SNX25: variants seen among roughly 807,000 people sequenced by gnomAD.
The protein encoded by SNX25 is sorting nexin-25.
A neutral mutation model predicts 113.7 loss-of-function variants in SNX25; 62 were observed. The observed-to-expected ratio is 0.55, with a 90% CI of 0.44 to 0.67. The LOEUF is 0.67. Ranked by LOEUF, SNX25 falls within the 30% of genes least tolerant of loss-of-function variation. The probability of loss-of-function intolerance (pLI) is 0.00; values close to 1 mark genes in which losing one functional copy is unlikely to be tolerated. For synonymous variants in SNX25, 421 were observed against 436.2 expected, an observed-to-expected ratio of 0.97 and a Z score of 0.43; for missense variants, 1,014 against 1,161.0, an observed-to-expected ratio of 0.87 and a Z score of 1.84.
Position 185,285,685 on chromosome 4 carries a change from G to A in SNX25, c.1092-2327G>A, listed in dbSNP as rs1002921714. Among the ~76,000 whole-genome samples the A allele has an allele frequency of 2.6e-5, 4 of 152,172 alleles. No individual in the cohort carries two copies. In the East Asian group the frequency reaches 7.7e-4, roughly 29 times the overall value. ...CCATGTCACCACATGTCCTGAGATT[G>A]GTAGTTAGGGGCTGTTTTGATGGTT... On this transcript the variant is annotated intron_variant, in intron 5 of 18. Coordinates refer to ENST00000652585, the MANE Select transcript of SNX25 (RefSeq NM_001378034.2).
At chr4:185,230,235 G>A (rs565336571) in intron 1 of SNX25, among the ~76,000 whole-genome samples, 8 of 152,274 alleles carry the variant, frequency 5.3e-5, no homozygotes, top group African/African-American at 1.7e-4. Flanking sequence ...ATTCTGTAGA[G>A]AAAGAGTTCA....
chr4:185,370,699 G>A, downstream of SNX25: 5 of 1,614,028 alleles, frequency 3.1e-6, no homozygotes, highest in South Asian at 5.5e-5. Context: ...CCAAGCTGAA[G>A]ACACCTTGCG....
chr4:185,359,991 A>C (rs1465723350), intron 16 of SNX25, among the ~76,000 whole-genome samples: 1 of 152,220 alleles, frequency 6.6e-6, no homozygotes, highest in African/African-American at 2.4e-5. Context: ...CTCATGACAG[A>C]ATTCAGCAGC....
At chr4:185,303,023 C>G (rs146143304) in intron 6 of SNX25, among the ~76,000 whole-genome samples, 66 of 152,342 alleles carry the variant, frequency 4.3e-4, no homozygotes, top group African/African-American at 1.5e-3. Context: ...CTCGTAGACT[C>G]TAACACCTGC....
intron 1 of SNX25, among the ~76,000 whole-genome samples, chr4:185,245,752 G>A (rs1012888616): frequency 5.3e-5 from 8 of 152,142 alleles, no homozygotes; most frequent in Non-Finnish European, 1.0e-4. Flanking sequence ...AAGTGTCTGT[G>A]CTTGCAAACA....
Position 185,341,993 on chromosome 4 carries a change from T to C in SNX25, c.2064T>C (p.Gly688=). 1 of 1,602,032 alleles carries C rather than the reference T, an allele frequency of 6.2e-7. No individual in the cohort carries two copies. The highest frequency in any genetic ancestry group is 1.7e-4 in the Middle Eastern group (1 of 6,014). Residue 688 remains glycine, a synonymous_variant, in exon 12 of 19, where the codon GGT becomes GGC. Coordinates refer to ENST00000652585, the MANE Select transcript of SNX25 (RefSeq NM_001378034.2). The part of the protein sequence containing the change: ...ITSGEVTEEN[G]EQLPCYFVMV... ...TCCCCAAGGTTACAGAAGAGAATGGTGAGCAATTGCCATGTTACTTTGTCA... is the reference window on the plus strand; with the variant it reads ...TCCCCAAGGTTACAGAAGAGAATGGCGAGCAATTGCCATGTTACTTTGTCA...
chr4:185,307,386 T>C (rs1288565), intron 6 of SNX25, among the ~76,000 whole-genome samples: 65,356 of 152,036 alleles, frequency 0.43, 14,270 homozygotes, highest in East Asian at 0.56. Context: ...CTCTCACCTG[T>C]CCAGATATGT....
At chr4:185,375,732 A>G in the SNX25 span, 1 of 1,541,956 alleles carries the variant, frequency 6.5e-7, no homozygotes, top group African/African-American at 1.4e-5. Flanking sequence ...CATCCCTAGA[A>G]GCACCCAGAA....
chr4:185,270,387 C>T (rs190500519), intron 5 of SNX25, among the ~76,000 whole-genome samples: 7 of 152,294 alleles, frequency 4.6e-5, no homozygotes, highest in Non-Finnish European at 1.0e-4. Flanking sequence ...TCTCAAAGAT[C>T]GCTTCCTCTT....
At position 185,251,737 on chromosome 4, in the gene SNX25, T is replaced by C. The variant is rs190731310; in HGVS notation, c.514+4359T>C. On this transcript the variant is annotated intron_variant, in intron 2 of 18. Coordinates refer to ENST00000652585, the MANE Select transcript of SNX25 (RefSeq NM_001378034.2). ...GCTGCTATGAACATGAGTGTCTCTT[T>C]AATTTTTGAAGACTTAGAAATTTCT... is the stretch of plus-strand genomic sequence containing the variant. Among the ~76,000 whole-genome samples the C allele has an allele frequency of 1.8e-4, 28 of 152,256 alleles. No homozygotes were observed. In the East Asian group the frequency reaches 5.2e-3, roughly 28 times the overall value.
At chr4:185,252,985 G>A (rs555438087) in intron 2 of SNX25, among the ~76,000 whole-genome samples, 2 of 152,262 alleles carry the variant, frequency 1.3e-5, no homozygotes, top group Admixed American at 1.3e-4. Flanking sequence ...TTTTTGAGAA[G>A]GCAGAACAGT....
chr4:185,256,985 C>G (rs1488600460), intron 2 of SNX25, among the ~76,000 whole-genome samples: 1 of 151,852 alleles, frequency 6.6e-6, no homozygotes, highest in Non-Finnish European at 1.5e-5. Flanking sequence ...AAATGAACCC[C>G]AAATTCTAGG....
At chr4:185,269,371 G>A (rs1748593448) in intron 5 of SNX25, among the ~76,000 whole-genome samples, 2 of 152,260 alleles carry the variant, frequency 1.3e-5, no homozygotes, top group African/African-American at 4.8e-5. Flanking sequence ...TGCTGTGCAT[G>A]GTGTGACAAG....
At chr4:185,215,895 T>TCCTCCCA (rs1371188738) in intron 1 of SNX25, among the ~76,000 whole-genome samples, 3 of 151,416 alleles carry the variant, frequency 2.0e-5, no homozygotes, top group Admixed American at 2.0e-4. Flanking sequence ...GCTCAAGCCA[T>TCCTCCCA]CCTCCCACCT....
intron 1 of SNX25, among the ~76,000 whole-genome samples, chr4:185,218,034 T>G (rs1172293592): frequency 6.6e-6 from 1 of 152,170 alleles, no homozygotes; most frequent in Non-Finnish European, 1.5e-5. Context: ...CTGGATACCC[T>G]AAGGGCCGGG....
At position 185,210,326 on chromosome 4, in the gene SNX25, G is replaced by A. The variant is rs1260760221; in HGVS notation, c.429+71G>A. 1.0e-6 allele frequency: 1 copy of A among 984,438 alleles called. No homozygotes were observed. Among genetic ancestry groups the A allele is most frequent in the African/African-American group, 1.8e-5 (1 of 57,106 alleles). The allele number at this position is 984,438 out of a possible 1,614,324, so 61.0% of individuals were successfully genotyped here. A position where few individuals can be genotyped will look rare whatever the true frequency, so the allele number is the denominator to read the frequency against. On this transcript the variant is annotated intron_variant, in intron 1 of 18. Transcript: ENST00000652585. This position sits in a 1 kb window ranked among gnomAD's most constrained non-coding sequence, Gnocchi z 4.4. ...CTTCCGGTGCCAGCTCCCGCGCCCCGAGCTCCGGGGGGCCGCGGCATGCCC... is the reference window on the plus strand; with the variant it reads ...CTTCCGGTGCCAGCTCCCGCGCCCCAAGCTCCGGGGGGCCGCGGCATGCCC...
At chr4:185,218,809 C>G (rs1739316356) in intron 1 of SNX25, among the ~76,000 whole-genome samples, 1 of 152,152 alleles carries the variant, frequency 6.6e-6, no homozygotes, top group Non-Finnish European at 1.5e-5. Flanking sequence ...TACAAATACT[C>G]ATTGCTACAG....
At chr4:185,257,265 A>T (rs1355829349) in intron 2 of SNX25, among the ~76,000 whole-genome samples, 3 of 152,020 alleles carry the variant, frequency 2.0e-5, no homozygotes, top group Non-Finnish European at 4.4e-5. Context: ...TGTGTAGCTA[A>T]ATGTTTTTCT....
At chr4:185,270,594 CAG>C (rs1402049417) in intron 5 of SNX25, among the ~76,000 whole-genome samples, 3 of 151,232 alleles carry the variant, frequency 2.0e-5, no homozygotes, top group Non-Finnish European at 4.4e-5. Flanking sequence ...TTAGTGTATT[CAG>C]AGACTCTGAT....
Sources: allele counts gnomAD v4.1 joint callset (sites outside exome capture counted in the v4.1 genomes callset), GRCh38; gene constraint gnomAD v4.1.1; non-coding constraint Gnocchi (gnomAD v3.1); transcripts MANE v1.5; gene names NCBI Gene and HGNC (gene_info 2026-07-23, HGNC 2026-07-21).